Variants in FRMD4A observed in about 807,000 individuals in gnomAD.
FRMD4A encodes the protein FERM domain containing 4A.
Under a neutral mutation model 129.1 loss-of-function variants are expected in FRMD4A, and 29 were observed. The ratio of observed to expected loss-of-function variants is 0.22; its 90% CI spans 0.17 to 0.31. FRMD4A has a LOEUF of 0.31. Among genes scored for constraint, FRMD4A ranks in the 10% least tolerant of loss-of-function variants. The pLI is 1.00. For synonymous variants in FRMD4A, 634 were observed against 571.6 expected, an observed-to-expected ratio of 1.11 and a Z score of -1.56; for missense variants, 1,272 against 1,375.8, an observed-to-expected ratio of 0.92 and a Z score of 1.19.
At chr10:13,854,261 T>G (rs1221073132) in intron 3 of FRMD4A, among the ~76,000 whole-genome samples, 1 of 152,158 alleles carries the variant, frequency 6.6e-6, no homozygotes, top group African/African-American at 2.4e-5. Context: ...AGAGAATAAA[T>G]GAAGAAAATA....
chr10:14,084,122 A>T (rs1197990587), intron 2 of FRMD4A, among the ~76,000 whole-genome samples: 1 of 152,236 alleles, frequency 6.6e-6, no homozygotes, highest in Non-Finnish European at 1.5e-5. Context: ...CATGGGGGAA[A>T]GTAAAAAGGC....
At chr10:14,122,985 G>A (rs1838616023) in intron 2 of FRMD4A, among the ~76,000 whole-genome samples, 1 of 152,000 alleles carries the variant, frequency 6.6e-6, no homozygotes, top group South Asian at 2.1e-4. Context: ...ATCCTACAGT[G>A]GTATAGAACA....
chr10:13,965,336 G>A (rs1351108037), intron 2 of FRMD4A, among the ~76,000 whole-genome samples: 2 of 152,148 alleles, frequency 1.3e-5, no homozygotes, highest in Non-Finnish European at 2.9e-5. Flanking sequence ...AGAAGAGAAA[G>A]AAGGTTTAAA....
chr10:14,061,598 C>G (rs546651857), intron 2 of FRMD4A, among the ~76,000 whole-genome samples: 37 of 152,300 alleles, frequency 2.4e-4, no homozygotes, highest in African/African-American at 7.7e-4. Context: ...TATCCTGAGA[C>G]TTTTCTATCT....
chr10:14,130,265 T>G (rs1839171841), intron 2 of FRMD4A, among the ~76,000 whole-genome samples: 1 of 152,164 alleles, frequency 6.6e-6, no homozygotes, highest in South Asian at 2.1e-4. Context: ...AAAAACTAAT[T>G]TGTTAATTTT....
intron 2 of FRMD4A, among the ~76,000 whole-genome samples, chr10:14,297,337 T>C (rs964180369): frequency 6.6e-6 from 1 of 152,098 alleles, no homozygotes; most frequent in Non-Finnish European, 1.5e-5. Context: ...TCCTTATTCC[T>C]GCAGCTCTAA....
At position 13,656,718 on chromosome 10, in the gene FRMD4A, CGAGCCGCTGTCCGAGGAGGTG is replaced by C. The variant is rs1237050539; in HGVS notation, c.2850_2870del (p.Thr951_Ser957del). On this transcript the variant is annotated inframe_deletion, in exon 22 of 25. Coordinates refer to ENST00000357447, the MANE Select transcript of FRMD4A (RefSeq NM_018027.5). ...TGCTCTGGGAGGAGGTGCTGTACTG[CGAGCCGCTGTCCGAGGAGGTG>C]GAGCTGGTGTGCGACAGGCGGCTGT... 1 of 1,586,806 alleles carries C rather than the reference CGAGCCGCTGTCCGAGGAGGTG, an allele frequency of 6.3e-7. No homozygotes were observed. The highest frequency in any genetic ancestry group is 8.6e-7 in the Non-Finnish European group (1 of 1,167,976).
rs143082626 is a variant in FRMD4A at position 13,753,296 on chromosome 10, G to A, written c.465-5477C>T. ...GCCCAATCACATGCTTTTTTCCCCA[G>A]GTGTGTAGGAAAGAAATGTTGCAGG... On this transcript the variant is annotated intron_variant, in intron 8 of 24. Coordinates refer to ENST00000357447, the MANE Select transcript of FRMD4A (RefSeq NM_018027.5). Among the ~76,000 whole-genome samples the A allele has an allele frequency of 3.0e-4, 46 of 152,284 alleles. 1 individual carries two copies. The East Asian group carries it at 8.1e-3, about 27-fold the overall frequency.
chr10:14,227,159 A>T (rs1843467325), intron 2 of FRMD4A, among the ~76,000 whole-genome samples: 1 of 150,702 alleles, frequency 6.6e-6, no homozygotes, highest in South Asian at 2.1e-4. Flanking sequence ...CTCTTCCCTC[A>T]GCCTGGAGCA....
chr10:13,746,656 A>T (rs1026991286), intron 9 of FRMD4A, among the ~76,000 whole-genome samples: 1 of 152,230 alleles, frequency 6.6e-6, no homozygotes, highest in African/African-American at 2.4e-5. Context: ...TACACAAGTC[A>T]CGTATTGTAG....
chr10:13,981,764 A>T (rs1244574480), intron 2 of FRMD4A, among the ~76,000 whole-genome samples: 2 of 145,058 alleles, frequency 1.4e-5, no homozygotes, highest in African/African-American at 5.4e-5. Context: ...AAAAAAAAAA[A>T]AAGGGAGGCC....
intron 15 of FRMD4A, among the ~76,000 whole-genome samples, chr10:13,686,524 C>T (rs983443371): frequency 6.6e-5 from 10 of 152,298 alleles, no homozygotes; most frequent in African/African-American, 1.9e-4. Flanking sequence ...TGAATGTGGA[C>T]GGATCCCAGG....
At chr10:14,185,618 AT>A (rs1564371622) in intron 2 of FRMD4A, among the ~76,000 whole-genome samples, 20 of 80,628 alleles carry the variant, frequency 2.5e-4, no homozygotes, top group Admixed American at 1.7e-3. Flanking sequence ...CAGAAAGGGG[AT>A]ATATACTTCA....
At chr10:14,194,135 A>C (rs1212623764) in intron 2 of FRMD4A, among the ~76,000 whole-genome samples, 1 of 152,194 alleles carries the variant, frequency 6.6e-6, no homozygotes, top group Non-Finnish European at 1.5e-5. Context: ...TTCATTTTGC[A>C]AATTCCCTAC....
At chr10:14,071,377 T>C (rs1835310904) in intron 2 of FRMD4A, among the ~76,000 whole-genome samples, 1 of 152,220 alleles carries the variant, frequency 6.6e-6, no homozygotes, top group South Asian at 2.1e-4. Context: ...GACCACTGTG[T>C]ACATCCTGCT....
intron 2 of FRMD4A, among the ~76,000 whole-genome samples, chr10:13,996,664 G>C (rs2095623646): frequency 6.6e-6 from 1 of 151,448 alleles, no homozygotes; most frequent in Non-Finnish European, 1.5e-5. Context: ...CTCTGGATAG[G>C]ATCTACACGG....
At chr10:13,983,992 G>T (rs1479144995) in intron 2 of FRMD4A, among the ~76,000 whole-genome samples, 1 of 151,474 alleles carries the variant, frequency 6.6e-6, no homozygotes, top group Admixed American at 6.6e-5. Context: ...GGCAGAAGGA[G>T]ACTCTGTCTC....
At chr10:13,902,698 G>T (rs1045502136) in intron 2 of FRMD4A, among the ~76,000 whole-genome samples, 3 of 152,028 alleles carry the variant, frequency 2.0e-5, no homozygotes, top group African/African-American at 7.2e-5. Context: ...AAAATAGCTG[G>T]GTGTGGTGGC....
At position 14,095,304 on chromosome 10, in the gene FRMD4A, A is replaced by G. The variant is rs1006409378; in HGVS notation, c.45+234754T>C. ...TCCCCAGGAACGAGTTCAAGTTTTA[A>G]AAGATTCTGCATGGGACTGCCTGGG... On this transcript the variant is annotated intron_variant, in intron 2 of 24. Transcript: ENST00000357447. Among the ~76,000 whole-genome samples the G allele has an allele frequency of 2.6e-5, 4 of 152,186 alleles. No homozygotes were observed. In the South Asian group the frequency reaches 8.3e-4, roughly 31 times the overall value.
Sources: gnomAD v4.1 joint callset for allele counts (sites outside exome capture counted in the v4.1 genomes callset) on GRCh38, gnomAD v4.1.1 for gene constraint, MANE v1.5 for transcripts, NCBI Gene and HGNC (gene_info 2026-07-23, HGNC 2026-07-21) for gene names.